Variants in TMTC2 observed in about 807,000 individuals in gnomAD.
TMTC2 encodes the protein transmembrane O-mannosyltransferase targeting cadherins 2.
TMTC2 carries 43 observed loss-of-function variants against 82.4 expected under a neutral mutation model. That is an observed-to-expected ratio of 0.52 (90% CI 0.41 to 0.67). TMTC2 has a LOEUF of 0.67. Ranked by LOEUF, TMTC2 falls within the 30% of genes least tolerant of loss-of-function variation. The pLI is 0.00. For synonymous variants in TMTC2, 408 were observed against 381.9 expected (o/e 1.07, Z -0.80); for missense variants, 919 against 1,012.4 (o/e 0.91, Z 1.25).
intron 3 of TMTC2, among the ~76,000 whole-genome samples, chr12:82,904,348 T>A (rs1331208441): frequency 6.6e-6 from 1 of 152,208 alleles, no homozygotes; most frequent in East Asian, 1.9e-4. Context: ...ACAGTATGCA[T>A]TAAAACTGCT....
intron 8 of TMTC2, among the ~76,000 whole-genome samples, chr12:82,987,406 A>AAAGT (rs112541219): frequency 7.5e-6 from 1 of 133,088 alleles, no homozygotes; most frequent in Admixed American, 7.9e-5. Flanking sequence ...CCTGGGCAAC[A>AAAGT]GAGACTCCAT....
rs371809861 is a variant in TMTC2 at position 82,895,931 on chromosome 12, G to A, written c.768G>A (p.Ser256=). ...ACAAACCACCAAGCTTTTCCAACTC[G>A]GACAACCCCGCTGCTGATTCGGACA... ...MGNKPPSFSN[S]DNPAADSDSL... is the part of the protein sequence containing the mutation. Residue 256 remains serine, a synonymous_variant, in exon 3 of 12, where the codon TCG becomes TCA. Coordinates refer to ENST00000321196, the MANE Select transcript of TMTC2 (RefSeq NM_152588.3). 13 of 1,613,658 alleles carry A rather than the reference G, an allele frequency of 8.1e-6. No individual in the cohort carries two copies. Among genetic ancestry groups the A allele is most frequent in the Non-Finnish European group, 1.0e-5 (12 of 1,179,982 alleles).
At chr12:82,945,025 A>T (rs931595155) in intron 4 of TMTC2, among the ~76,000 whole-genome samples, 2 of 152,192 alleles carry the variant, frequency 1.3e-5, no homozygotes, top group African/African-American at 4.8e-5. Context: ...TAGTTCTTAA[A>T]TGCTTTCAAA....
chr12:82,994,036 C>A (rs1879511368), intron 8 of TMTC2, among the ~76,000 whole-genome samples: 1 of 152,084 alleles, frequency 6.6e-6, no homozygotes, highest in Admixed American at 6.6e-5. Context: ...TGCTAGTGAG[C>A]CATTTGGGGT....
intron 8 of TMTC2, among the ~76,000 whole-genome samples, chr12:83,000,639 G>C (rs1295330028): frequency 6.6e-6 from 1 of 152,150 alleles, no homozygotes; most frequent in Admixed American, 6.5e-5. Flanking sequence ...AGCTGTCAGT[G>C]GATCTACCAT....
intron 1 of TMTC2, among the ~76,000 whole-genome samples, chr12:82,835,933 A>G (rs1020357380): frequency 1.3e-5 from 2 of 152,236 alleles, no homozygotes; most frequent in Non-Finnish European, 2.9e-5. Context: ...TGCTGTGGCC[A>G]GTACCCATTC....
chr12:82,770,929 C>T (rs1237909780), intron 1 of TMTC2, among the ~76,000 whole-genome samples: 3 of 152,076 alleles, frequency 2.0e-5, no homozygotes, highest in Admixed American at 1.3e-4. Flanking sequence ...AGAGTTGTTG[C>T]GGGGTGCAGT....
chr12:82,724,557 A>G (rs893139563), intron 1 of TMTC2, among the ~76,000 whole-genome samples: 1 of 152,130 alleles, frequency 6.6e-6, no homozygotes. Context: ...ACCTTCCACC[A>G]TGATTGTAAG....
intron 1 of TMTC2, among the ~76,000 whole-genome samples, chr12:82,737,516 A>T (rs189640511): frequency 4.2e-4 from 64 of 152,286 alleles, no homozygotes; most frequent in Admixed American, 3.4e-3. Context: ...CATTATTAAT[A>T]TATTTATTTA....
intron 8 of TMTC2, among the ~76,000 whole-genome samples, chr12:83,016,710 G>A (rs1173165642): frequency 6.6e-6 from 1 of 152,176 alleles, no homozygotes; most frequent in African/African-American, 2.4e-5. Flanking sequence ...TCCTGGTAGT[G>A]AACTTCTGGA....
chr12:82,977,833 GA>G (rs1391728926), intron 7 of TMTC2, among the ~76,000 whole-genome samples: 2 of 151,772 alleles, frequency 1.3e-5, no homozygotes, highest in African/African-American at 2.4e-5. Flanking sequence ...AAAATGTTGG[GA>G]GGGGAATTTG....
chr12:82,913,645 A>T (rs769840908), intron 3 of TMTC2, among the ~76,000 whole-genome samples: 2 of 152,144 alleles, frequency 1.3e-5, no homozygotes, highest in East Asian at 1.9e-4. Flanking sequence ...TTTTTCCTCT[A>T]TCTTACTTAA....
chr12:82,703,643 C>T (rs1358249588), intron 1 of TMTC2, among the ~76,000 whole-genome samples: 1 of 151,994 alleles, frequency 6.6e-6, no homozygotes, highest in Admixed American at 6.6e-5. Flanking sequence ...GGACTACAGG[C>T]GTCCGCCACC....
chr12:83,099,394 C>A (rs1884138571), intron 11 of TMTC2, among the ~76,000 whole-genome samples: 1 of 152,194 alleles, frequency 6.6e-6, no homozygotes, highest in African/African-American at 2.4e-5. Flanking sequence ...ACAACATCTT[C>A]TCTGTCTCCT....
At chr12:82,757,199 A>G (rs1165864362) in intron 1 of TMTC2, among the ~76,000 whole-genome samples, 1 of 152,226 alleles carries the variant, frequency 6.6e-6, no homozygotes, top group African/African-American at 2.4e-5. Flanking sequence ...TCTATTAGGA[A>G]GCAAATGAGA....
At chr12:83,082,039 G>T (rs922995004) in intron 11 of TMTC2, among the ~76,000 whole-genome samples, 1 of 152,028 alleles carries the variant, frequency 6.6e-6, no homozygotes, top group South Asian at 2.1e-4. Context: ...ATAACAAAAA[G>T]CTTTTACTGG....
intron 1 of TMTC2, among the ~76,000 whole-genome samples, chr12:82,737,416 C>T (rs1226789222): frequency 3.9e-5 from 6 of 152,066 alleles, no homozygotes; most frequent in South Asian, 2.1e-4. Context: ...GAATTTGAAC[C>T]TATATTCAAA....
intron 1 of TMTC2, among the ~76,000 whole-genome samples, chr12:82,740,184 T>C (rs1875325043): frequency 6.6e-6 from 1 of 152,184 alleles, no homozygotes; most frequent in African/African-American, 2.4e-5. Context: ...AAATTACAAA[T>C]ACAGTCTCAT....
chr12:82,730,799 T>C (rs1232594865), intron 1 of TMTC2, among the ~76,000 whole-genome samples: 1 of 152,216 alleles, frequency 6.6e-6, no homozygotes, highest in Non-Finnish European at 1.5e-5. Context: ...CGAATTCCAA[T>C]GGACACACTA....
Sources: gnomAD v4.1 joint callset for allele counts (sites outside exome capture counted in the v4.1 genomes callset) on GRCh38, gnomAD v4.1.1 for gene constraint, MANE v1.5 for transcripts, NCBI Gene and HGNC (gene_info 2026-07-23, HGNC 2026-07-21) for gene names.